EBPL: variants seen among roughly 807,000 people sequenced by gnomAD.
The protein encoded by EBPL is EBP like.
EBPL carries 20 observed loss-of-function variants against 19.0 expected under a neutral mutation model. The observed-to-expected ratio is 1.05, with a 90% CI of 0.74 to 1.53. The LOEUF (loss-of-function observed/expected upper bound fraction) is 1.53, where lower values mean the gene tolerates loss of function less well. Ranked by LOEUF, EBPL falls within the 40% of genes most tolerant of loss-of-function variation. The pLI is 0.00. For synonymous variants in EBPL, 107 were observed against 117.0 expected, an observed-to-expected ratio of 0.91 and a Z score of 0.55; for missense variants, 219 against 261.1, an observed-to-expected ratio of 0.84 and a Z score of 1.11.
chr13:49,672,507 G>C (rs1478421859), intron 1 of EBPL, among the ~76,000 whole-genome samples: 1 of 152,064 alleles, frequency 6.6e-6, no homozygotes, highest in Non-Finnish European at 1.5e-5. Flanking sequence ...ATTGCAAATG[G>C]CTAACACATA....
chr13:49,686,503 G>A, intron 1 of EBPL: 1 of 1,288,586 alleles, frequency 7.8e-7, no homozygotes, highest in Admixed American at 2.3e-5. Context: ...TTTTTTAATG[G>A]TGCTACAGCA....
intron 2 of EBPL, among the ~76,000 whole-genome samples, chr13:49,666,008 A>G (rs529386027): frequency 6.6e-6 from 1 of 152,328 alleles, no homozygotes; most frequent in South Asian, 2.1e-4. Flanking sequence ...AAGACCCGAC[A>G]CTGGGCAGAT....
intron 1 of EBPL, among the ~76,000 whole-genome samples, chr13:49,687,456 T>G (rs763479854): frequency 7.9e-5 from 12 of 152,148 alleles, no homozygotes; most frequent in Non-Finnish European, 1.3e-4. Context: ...TCCATGAATA[T>G]CTCACATCCT....
chr13:49,664,730 G>A (rs1445892935), intron 2 of EBPL, among the ~76,000 whole-genome samples: 2 of 152,016 alleles, frequency 1.3e-5, no homozygotes, highest in African/African-American at 4.8e-5. Context: ...CTGCTACTGA[G>A]CAGCACACAG....
In EBPL at chr13:49,663,330, G is replaced by A. The variant is rs140309581; in HGVS notation, c.242-135C>T. ...TCTCTGCATTCTTCACGATGCCTTA[G>A]TGGAAGGCAGGAGAAGCCCTGGGAC... On this transcript the variant is annotated intron_variant, in intron 2 of 3. Transcript: ENST00000242827. 1,136 of 1,162,486 alleles carry A rather than the reference G, an allele frequency of 9.8e-4. 2 individuals are homozygous for A. In the African/African-American group the frequency reaches 0.013, roughly 13 times the overall value. The allele number at this position is 1,162,486 out of a possible 1,614,324, so 72.0% of individuals were successfully genotyped here.
At chr13:49,663,302 C>G (rs1965176561) in intron 2 of EBPL, 107 bp from the exon 3 acceptor site, 1 of 1,403,716 alleles carries the variant, frequency 7.1e-7, no homozygotes, top group Non-Finnish European at 9.9e-7. Context: ...GTAATCGCCA[C>G]TCTCTCTGCA....
intron 1 of EBPL, among the ~76,000 whole-genome samples, chr13:49,685,732 G>A (rs1344097317): frequency 6.6e-6 from 1 of 152,136 alleles, no homozygotes; most frequent in African/African-American, 2.4e-5. Flanking sequence ...AATTAGCTGG[G>A]CATGGTGGCA....
chr13:49,689,125 A>G (rs537762619), intron 1 of EBPL, among the ~76,000 whole-genome samples: 1 of 152,300 alleles, frequency 6.6e-6, no homozygotes, highest in African/African-American at 2.4e-5. Flanking sequence ...GATTCTTCTA[A>G]TATGTGAAAA....
chr13:49,673,950 T>C (rs1234087048), intron 1 of EBPL, among the ~76,000 whole-genome samples: 3 of 91,842 alleles, frequency 3.3e-5, no homozygotes, highest in African/African-American at 1.1e-4. Context: ...GATACAATTA[T>C]ATGGAACTTA....
At chr13:49,687,769 G>A (rs1022014522) in intron 1 of EBPL, among the ~76,000 whole-genome samples, 1 of 152,206 alleles carries the variant, frequency 6.6e-6, no homozygotes, top group Non-Finnish European at 1.5e-5. Flanking sequence ...TCATTATGTT[G>A]TCCTGTGGGG....
rs1965234314 is a variant in EBPL at position 49,666,728 on chromosome 13, A to AAAAAAAC, written c.241+3042_241+3048dup. ...CTCCGTCTCAAAAAAAAAAAAAAAA[A>AAAAAAAC]AAAAAACAAAAATTAGCTGGGCGTG... On this transcript the variant is annotated intron_variant, in intron 2 of 3. Transcript: ENST00000242827. Among the ~76,000 whole-genome samples the AAAAAAAC allele has an allele frequency of 9.3e-5, 14 of 150,674 alleles. No individual in the cohort carries two copies. In the South Asian group the frequency reaches 3.0e-3, roughly 32 times the overall value.
At chr13:49,682,210 A>G (rs1249597199) in intron 1 of EBPL, among the ~76,000 whole-genome samples, 1 of 145,904 alleles carries the variant, frequency 6.9e-6, no homozygotes, top group African/African-American at 2.4e-5. Context: ...CTCTTTCAGA[A>G]CTACCAGGAT....
intron 1 of EBPL, among the ~76,000 whole-genome samples, chr13:49,673,962 T>C (rs1336487830): frequency 4.9e-5 from 7 of 143,370 alleles, no homozygotes; most frequent in South Asian, 2.3e-4. Context: ...TGGAACTTAA[T>C]ACACACACAC....
chr13:49,674,255 AC>A (rs1953852203), intron 1 of EBPL, among the ~76,000 whole-genome samples: 2 of 151,982 alleles, frequency 1.3e-5, no homozygotes, highest in African/African-American at 4.8e-5. Context: ...GGTGCCCGCC[AC>A]CATGCCTGGC....
chr13:49,666,137 C>A (rs1027829130), intron 2 of EBPL, among the ~76,000 whole-genome samples: 1 of 152,138 alleles, frequency 6.6e-6, no homozygotes, highest in Non-Finnish European at 1.5e-5. Flanking sequence ...GCCACGCAGG[C>A]AGGCTTTGCA....
At position 49,688,718 on chromosome 13, in the gene EBPL, CA is replaced by C. The variant is rs56059575; in HGVS notation, c.171+2535del. On this transcript the variant is annotated intron_variant, in intron 1 of 3. Coordinates refer to ENST00000242827, the MANE Select transcript of EBPL (RefSeq NM_032565.5). The stretch of plus-strand genomic sequence containing the variant: ...TGGGTAATAGAGCGAGACTCCGTCT[CA>C]AAAAAAAAAAAAAAAAAAAAGAAGT... Among the ~76,000 whole-genome samples the C allele has an allele frequency of 6.1e-3, 584 of 95,362 alleles. 3 individuals carry two copies. Among genetic ancestry groups the C allele is most frequent in the African/African-American group, 0.018 (438 of 25,008 alleles). The allele number at this position is 95,362 out of a possible 152,430, so 62.6% of individuals were successfully genotyped here. A position where few individuals can be genotyped will look rare whatever the true frequency, so the allele number is the denominator to read the frequency against.
At chr13:49,666,118 C>T (rs1436502908) in intron 2 of EBPL, among the ~76,000 whole-genome samples, 3 of 152,044 alleles carry the variant, frequency 2.0e-5, no homozygotes, top group Admixed American at 6.6e-5. Flanking sequence ...GAACAGTGTT[C>T]GGGCAGGGGC....
chr13:49,679,659 G>A (rs1439627363), intron 1 of EBPL, among the ~76,000 whole-genome samples: 1 of 152,122 alleles, frequency 6.6e-6, no homozygotes. Flanking sequence ...GCACCATCAT[G>A]CCAGGCTGAT....
At position 49,691,382 on chromosome 13, in the gene EBPL, G is replaced by T; in HGVS notation, c.43C>A (p.Leu15Met). ...WELGAEAGGS[L>M]LLCAALLAAG... ...GCCAGCAGCGCGGCGCACAGCAGCA[G>T]CGAACCGCCAGCCTCGGCCCCCAGC... The change falls in exon 1 of 4, where the codon CTG (leucine) becomes ATG (methionine). Residue 15 changes from leucine to methionine, a missense_variant. Physicochemically the swap from Leu to Met is conservative, Grantham distance 15. Coordinates refer to ENST00000242827, the MANE Select transcript of EBPL (RefSeq NM_032565.5). 7.3e-7 allele frequency: 1 copy of T among 1,366,118 alleles called. No homozygotes were observed. 84.6% of individuals were successfully genotyped at this position (1,366,118 alleles called of 1,614,324 possible).
Sources: allele counts gnomAD v4.1 joint callset (sites outside exome capture counted in the v4.1 genomes callset), GRCh38; gene constraint gnomAD v4.1.1; transcripts MANE v1.5; gene names NCBI Gene and HGNC (gene_info 2026-07-23, HGNC 2026-07-21).